Variants in BCL9L observed in about 807,000 individuals in gnomAD.
The protein encoded by BCL9L is BCL9 like, also known as B-cell CLL/lymphoma 9-like protein.
In BCL9L, 19 loss-of-function variants were observed where a neutral mutation model predicts 99.4. That is an observed-to-expected ratio of 0.19 (90% CI 0.13 to 0.28). BCL9L has a LOEUF of 0.28. BCL9L is among the 10% of genes least tolerant of loss of function. The pLI is 1.00. For synonymous variants in BCL9L, 900 were observed against 854.8 expected, an observed-to-expected ratio of 1.05 and a Z score of -0.92; for missense variants, 2,023 against 2,101.6, an observed-to-expected ratio of 0.96 and a Z score of 0.73.
rs80166369 is a variant in BCL9L, at chr11:118,918,332, G to A, written c.-77+494C>T. Among the ~76,000 whole-genome samples the A allele has an allele frequency of 6.9e-3, 1,046 of 152,218 alleles. 10 individuals carry two copies. The highest frequency in any genetic ancestry group is 0.023 in the African/African-American group (969 of 41,538). ...GTACACGCACGCATGTGTACGCTAG[G>A]GGACCAGGGGCCAGGGCAGAAACCA... On this transcript the variant is annotated intron_variant, in intron 2 of 9. Coordinates refer to ENST00000683865, the MANE Select transcript of BCL9L (RefSeq NM_001378213.1).
chr11:118,906,491 TCTC>T (rs1421349859), intron 5 of BCL9L, among the ~76,000 whole-genome samples: 2 of 152,128 alleles, frequency 1.3e-5, no homozygotes, highest in Admixed American at 1.3e-4. Context: ...GCTGACTCTC[TCTC>T]CTCCTCTGTA....
At position 118,901,256 on chromosome 11, in the gene BCL9L, C is replaced by T. The variant is rs1282411739; in HGVS notation, c.2487G>A (p.Met829Ile). Residue 829 changes from methionine (M) to isoleucine (I), a missense_variant, in exon 8 of 10, where the codon ATG (methionine) becomes ATA (isoleucine). By Grantham distance (10) the Met-to-Ile change is conservative (BLOSUM62 1). Transcript: ENST00000683865. This position sits in a 1 kb window ranked among gnomAD's most constrained non-coding sequence, Gnocchi z 6.6. ...RVRAQNSSGV[M>I]GGPQKMLMPS... ...GCATCAGCATCTTCTGCGGGCCGCC[C>T]ATCACGCCACTGCTGTTCTGGGCCC... is the stretch of plus-strand genomic sequence containing the variant. 3.1e-6 allele frequency: 5 copies of T among 1,613,956 alleles called. No homozygotes were observed. The highest frequency in any genetic ancestry group is 1.7e-6 in the Non-Finnish European group (2 of 1,180,008).
intron 2 of BCL9L, among the ~76,000 whole-genome samples, chr11:118,916,037 A>G (rs1940953418): frequency 2.0e-5 from 3 of 152,178 alleles, no homozygotes; most frequent in Non-Finnish European, 4.4e-5. Flanking sequence ...CCAGAGCCCC[A>G]GCCCGATCCC....
chr11:118,919,621 C>T (rs1941086459), intron 1 of BCL9L, among the ~76,000 whole-genome samples: 1 of 152,088 alleles, frequency 6.6e-6, no homozygotes, highest in South Asian at 2.1e-4. Flanking sequence ...CTAACCACCC[C>T]TCCCTCTCTC....
chr11:118,915,117 G>A (rs1467454442), intron 2 of BCL9L, among the ~76,000 whole-genome samples: 2 of 152,042 alleles, frequency 1.3e-5, no homozygotes, highest in African/African-American at 4.8e-5. Flanking sequence ...CTGGGCAACA[G>A]AGCGAGACTG....
At chr11:118,905,848 G>T (rs762470878) in intron 5 of BCL9L, among the ~76,000 whole-genome samples, 2 of 151,670 alleles carry the variant, frequency 1.3e-5, no homozygotes, top group Non-Finnish European at 2.9e-5. Flanking sequence ...ATAAATAAAA[G>T]AATCTAAGGG....
In BCL9L at chr11:118,921,957, A is replaced by C. The variant is rs550117506; in HGVS notation, c.-130-3078T>G. On this transcript the variant is annotated intron_variant, in intron 1 of 9. Transcript: ENST00000683865. This position sits in a 1 kb window ranked among gnomAD's most constrained non-coding sequence, Gnocchi z 5.4. ...TTCCACAGGTTCCAGGACCCCCCAC[A>C]CTCAGAGCAGGCTGTGGGCATCCCC... Among the ~76,000 whole-genome samples, 2 of 152,138 alleles carry C rather than the reference A, an allele frequency of 1.3e-5. No individual in the cohort carries two copies. The highest frequency in any genetic ancestry group is 1.3e-4 in the Admixed American group (2 of 15,292).
Position 118,902,649 on chromosome 11 carries a change from A to G in BCL9L, c.1094T>C (p.Leu365Pro). 6.3e-7 allele frequency: 1 copy of G among 1,599,506 alleles called. No homozygotes were observed. Among genetic ancestry groups the G allele is most frequent in the Non-Finnish European group, 8.5e-7 (1 of 1,179,732 alleles). ...ACTGCTGGGGTCTCCTCCAGGAGGC[A>G]GAGGGTTGTTGGCGGTGGTAGCCGT... ...TPTATTANNP[L>P]PPGGDPSSAP... Residue 365 changes from leucine to proline, a missense_variant, in exon 8 of 10, where the codon CTG becomes CCG. Leu to Pro is a moderately conservative substitution (Grantham distance 98, BLOSUM62 -3). Around this residue, in one of 3 missense-constraint regions of BCL9L, gnomAD observed 1,116 missense variants for 1,194.6 expected, o/e 0.93. Transcript: ENST00000683865. The surrounding 1 kb of genome is among the most constrained non-coding windows in gnomAD (Gnocchi z 7.8).
At chr11:118,899,851 G>A (rs888930893) in intron 9 of BCL9L, 66 bp downstream of exon 9, 1 of 1,537,640 alleles carries the variant, frequency 6.5e-7, no homozygotes, top group African/African-American at 1.4e-5. Context: ...CACAACCACA[G>A]CTGTGCTCCC....
In BCL9L at chr11:118,900,249, T is replaced by C. The variant is rs764007929; in HGVS notation, c.3125-51A>G. 37 of 1,504,626 alleles carry C rather than the reference T, an allele frequency of 2.5e-5. No individual in the cohort carries two copies. Among genetic ancestry groups the C allele is most frequent in the Non-Finnish European group, 2.9e-5 (33 of 1,123,216 alleles). 93.2% of individuals were successfully genotyped at this position (1,504,626 alleles called of 1,614,324 possible). ...GCAGGGGTGACTGGGGAGGGGCAGA[T>C]GAGTTTGGCTGTGGATATGGGGAGG... On this transcript the variant is annotated intron_variant, in intron 8 of 9. Coordinates refer to ENST00000683865, the MANE Select transcript of BCL9L (RefSeq NM_001378213.1). This position sits in a 1 kb window ranked among gnomAD's most constrained non-coding sequence, Gnocchi z 5.3.
rs559343079 is a variant in BCL9L, at chr11:118,901,730, A to T, written c.2013T>A (p.Thr671=). The change falls in exon 8 of 10, where the codon ACT becomes ACA. Residue 671 remains threonine, a synonymous_variant. Transcript: ENST00000683865. The surrounding 1 kb of genome is among the most constrained non-coding windows in gnomAD (Gnocchi z 6.6). ...GGQGEAERFM[T]PRVREELLRH... ...GCAGCAGCTCCTCACGGACCCGGGGAGTCATGAATCGCTCCGCCTCACCCT... is the reference window on the plus strand; with the variant it reads ...GCAGCAGCTCCTCACGGACCCGGGGTGTCATGAATCGCTCCGCCTCACCCT... 1.2e-5 allele frequency: 20 copies of T among 1,613,216 alleles called. No homozygotes were observed. The East Asian group carries it at 4.5e-4, about 36-fold the overall frequency.
Position 118,898,913 on chromosome 11 carries a change from C to A in BCL9L, c.4002G>T (p.Lys1334Asn). Residue 1334 changes from lysine (K) to asparagine (N), a missense_variant, in exon 10 of 10, where the codon AAG becomes AAT. Physicochemically the swap from Lys to Asn is moderately conservative, Grantham distance 94. Transcript: ENST00000683865. ...FDLSRIIPSE[K>N]PSSTLQYFPK... is the part of the protein sequence containing the mutation. Reference sequence around the variant, plus strand: ...GGAAGTACTGGAGGGTGCTGCTTGGCTTCTCAGAGGGGATGATCCTCGACA... The same window carrying A: ...GGAAGTACTGGAGGGTGCTGCTTGGATTCTCAGAGGGGATGATCCTCGACA... The A allele has an allele frequency of 6.2e-7, 1 of 1,613,186 alleles. No individual in the cohort carries two copies. The highest frequency in any genetic ancestry group is 8.5e-7 in the Non-Finnish European group (1 of 1,179,428).
Position 118,897,458 on chromosome 11 carries a change from G to A in BCL9L, c.*957C>T. ...CCAGGGCCCCGTGTCACCGGTGTGG[G>A]CAAACACACATGCACGTGCACACAT... is the stretch of plus-strand genomic sequence containing the variant. On this transcript the variant is annotated 3_prime_UTR_variant, in exon 10 of 10. Transcript: ENST00000683865. The A allele has an allele frequency of 4.2e-6, 1 of 240,030 alleles. No homozygotes were observed. Among genetic ancestry groups the A allele is most frequent in the East Asian group, 1.5e-4 (1 of 6,758 alleles). 14.9% of individuals were successfully genotyped at this position (240,030 alleles called of 1,614,324 possible).
At position 118,896,420 on chromosome 11, in the gene BCL9L, C is replaced by T. The variant is rs973307579; in HGVS notation, c.*1995G>A. ...GCACTCGGCCCGCTGCAATCTGACC[C>T]CTCTCTCCTCAGGGCAGGAAACACA... On this transcript the variant is annotated 3_prime_UTR_variant, in exon 10 of 10. Coordinates refer to ENST00000683865, the MANE Select transcript of BCL9L (RefSeq NM_001378213.1). 1 of 152,314 alleles carries T rather than the reference C, an allele frequency of 6.6e-6. No individual in the cohort carries two copies. Among genetic ancestry groups the T allele is most frequent in the African/African-American group, 2.4e-5 (1 of 41,416 alleles). The allele number at this position is 152,314 out of a possible 1,614,324, so 9.4% of individuals were successfully genotyped here.
intron 9 of BCL9L, among the ~76,000 whole-genome samples, 192 bp downstream of exon 9, chr11:118,899,725 G>C (rs1940123946): frequency 6.6e-6 from 1 of 152,262 alleles, no homozygotes; most frequent in East Asian, 1.9e-4. Context: ...ACCAGGTGTT[G>C]GAAAGACCAC....
intron 5 of BCL9L, among the ~76,000 whole-genome samples, chr11:118,907,046 G>C (rs553342070): frequency 1.3e-5 from 2 of 152,296 alleles, no homozygotes; most frequent in East Asian, 3.9e-4. Context: ...GTACTTGCCA[G>C]GAGTCAATTA....
Position 118,914,325 on chromosome 11 carries a change from G to C in BCL9L, c.-76-4310C>G, listed in dbSNP as rs1940898342. 1.3e-5 allele frequency among the ~76,000 whole-genome samples: 2 copies of C among 152,166 alleles called. No homozygotes were observed. The highest frequency in any genetic ancestry group is 2.9e-5 in the Non-Finnish European group (2 of 68,012). On this transcript the variant is annotated intron_variant, in intron 2 of 9. Coordinates refer to ENST00000683865, the MANE Select transcript of BCL9L (RefSeq NM_001378213.1). This position sits in a 1 kb window ranked among gnomAD's most constrained non-coding sequence, Gnocchi z 4.4. ...ACAATGGGGCCATTGTGGGAGGATG[G>C]AGTGCAGCAGACTGCTGGCACAGCC...
At position 118,902,615 on chromosome 11, in the gene BCL9L, G is replaced by A. The variant is rs562399740; in HGVS notation, c.1128C>T (p.Gly376=). The change falls in exon 8 of 10, where the codon GGC becomes GGT. Residue 376 remains glycine (G), a synonymous_variant. Transcript: ENST00000683865. The surrounding 1 kb of genome is among the most constrained non-coding windows in gnomAD (Gnocchi z 7.8). ...CGGCTGCCTCCCCCAGCAGGGCAGG[G>A]CCGGGGGCACTGCTGGGGTCTCCTC... ...PPGGDPSSAP[G]PALLGEAAAP... 1 of 1,599,898 alleles carries A rather than the reference G, an allele frequency of 6.3e-7. No homozygotes were observed. The highest frequency in any genetic ancestry group is 8.5e-7 in the Non-Finnish European group (1 of 1,179,834).
At chr11:118,915,918 T>C (rs1255060856) in intron 2 of BCL9L, among the ~76,000 whole-genome samples, 1 of 152,040 alleles carries the variant, frequency 6.6e-6, no homozygotes, top group East Asian at 1.9e-4. Flanking sequence ...CCCCAAAGGG[T>C]TAACAAGGCC....
Sources: gnomAD v4.1 joint callset for allele counts (sites outside exome capture counted in the v4.1 genomes callset) on GRCh38, gnomAD v4.1.1 for gene constraint, gnomAD v4.1.1 regional missense constraint, Gnocchi (gnomAD v3.1) non-coding constraint, MANE v1.5 for transcripts, NCBI Gene and HGNC (gene_info 2026-07-23, HGNC 2026-07-21) for gene names.